Variants in KDM2B observed in about 807,000 individuals in gnomAD.
The protein encoded by KDM2B is lysine demethylase 2B, also known as lysine-specific demethylase 2B.
A neutral mutation model predicts 150.0 loss-of-function variants in KDM2B; 26 were observed. The observed-to-expected ratio is 0.17, with a 90% CI of 0.13 to 0.24. KDM2B has a LOEUF of 0.24. KDM2B is among the 10% of genes least tolerant of loss of function. The pLI, the probability that KDM2B is intolerant of heterozygous loss-of-function variation, is 1.00. For synonymous variants in KDM2B, 734 were observed against 729.5 expected, an observed-to-expected ratio of 1.01 and a Z score of -0.10; for missense variants, 1,265 against 1,816.9, an observed-to-expected ratio of 0.70 and a Z score of 5.52.
intron 6 of KDM2B, among the ~76,000 whole-genome samples, chr12:121,548,058 T>C (rs1566404082): frequency 6.6e-6 from 1 of 152,160 alleles, no homozygotes; most frequent in Non-Finnish European, 1.5e-5. Context: ...CTACAGCCCA[T>C]GTTAAATAAT....
chr12:121,486,508 C>T (rs1468635354), intron 12 of KDM2B, among the ~76,000 whole-genome samples: 2 of 151,576 alleles, frequency 1.3e-5, no homozygotes, highest in East Asian at 1.9e-4. Context: ...AATCACAGAC[C>T]GGGTGCAGTG....
rs1317831676 is a variant in KDM2B at position 121,536,821 on chromosome 12, G to C, written c.684-2231C>G. ...TGGAAGCCCGCGGGTACCCACAGCA[G>C]AGAGGAGAGGACAGGAGCTCGCCTC... is the stretch of plus-strand genomic sequence containing the variant. On this transcript the variant is annotated intron_variant, in intron 6 of 22. Coordinates refer to ENST00000377071, the MANE Select transcript of KDM2B (RefSeq NM_032590.5). Among the ~76,000 whole-genome samples, 13 of 152,348 alleles carry C rather than the reference G, an allele frequency of 8.5e-5. 1 individual carries two copies. Among genetic ancestry groups the C allele is most frequent in the Admixed American group, 6.5e-4 (10 of 15,306 alleles).
intron 21 of KDM2B, chr12:121,440,524 A>T (rs562730676): frequency 1.9e-4 from 80 of 425,244 alleles, no homozygotes; most frequent in African/African-American, 1.5e-3. Flanking sequence ...ATGCACGCAG[A>T]GCCCCATGAG....
intron 4 of KDM2B, among the ~76,000 whole-genome samples, chr12:121,566,791 G>A (rs1226969850): frequency 2.0e-5 from 3 of 152,120 alleles, no homozygotes; most frequent in Non-Finnish European, 4.4e-5. Context: ...GCAAGACTCT[G>A]TCCTGAAACA....
chr12:121,514,266 C>T (rs1168874370), intron 9 of KDM2B, among the ~76,000 whole-genome samples: 2 of 152,080 alleles, frequency 1.3e-5, no homozygotes, highest in African/African-American at 2.4e-5. Context: ...GGCGCGCGCA[C>T]CACCACGCCT....
At chr12:121,432,029 G>T (rs1189238614) in intron 22 of KDM2B, among the ~76,000 whole-genome samples, 1 of 151,324 alleles carries the variant, frequency 6.6e-6, no homozygotes, top group African/African-American at 2.4e-5. Flanking sequence ...TACAGGTGCC[G>T]GCCACCACGC....
intron 12 of KDM2B, among the ~76,000 whole-genome samples, chr12:121,472,736 T>C (rs77743447): frequency 0.036 from 5,442 of 152,276 alleles, 325 homozygotes; most frequent in African/African-American, 0.13. Context: ...ATGCCTTTGC[T>C]GACCTTAGAA....
intron 10 of KDM2B, among the ~76,000 whole-genome samples, chr12:121,512,392 A>G (rs1232822132): frequency 6.6e-6 from 1 of 152,040 alleles, no homozygotes; most frequent in Non-Finnish European, 1.5e-5. Flanking sequence ...GATGGGGCAT[A>G]AGGGAAGGGA....
chr12:121,506,434 C>A (rs1352556050), intron 11 of KDM2B, among the ~76,000 whole-genome samples: 5 of 152,164 alleles, frequency 3.3e-5, no homozygotes, highest in Non-Finnish European at 7.3e-5. Flanking sequence ...TTTAGAGACA[C>A]TAGCAGCGGT....
Position 121,537,868 on chromosome 12 carries a change from C to T in KDM2B, c.684-3278G>A, listed in dbSNP as rs1289902813. Reference sequence around the variant, plus strand: ...GGCCACCCACACCCGCCCCGCGCAGCGCCACAAAGGAGGGGGCGCCCGGGC... The same window carrying T: ...GGCCACCCACACCCGCCCCGCGCAGTGCCACAAAGGAGGGGGCGCCCGGGC... On this transcript the variant is annotated intron_variant, in intron 6 of 22. Coordinates refer to ENST00000377071, the MANE Select transcript of KDM2B (RefSeq NM_032590.5). This position sits in a 1 kb window ranked among gnomAD's most constrained non-coding sequence, Gnocchi z 8.7. Among the ~76,000 whole-genome samples the T allele has an allele frequency of 6.6e-6, 1 of 151,614 alleles. No individual in the cohort carries two copies. Among genetic ancestry groups the T allele is most frequent in the Non-Finnish European group, 1.5e-5 (1 of 67,854 alleles).
chr12:121,455,662 C>T (rs1269484885), intron 12 of KDM2B, among the ~76,000 whole-genome samples: 1 of 152,122 alleles, frequency 6.6e-6, no homozygotes, highest in South Asian at 2.1e-4. Context: ...CTGTGATCAT[C>T]CACTGTACTC....
the KDM2B span, chr12:121,423,646 T>C: frequency 7.7e-7 from 1 of 1,299,116 alleles, no homozygotes; most frequent in Non-Finnish European, 1.1e-6. The surrounding 1 kb of genome is among the most constrained non-coding windows in gnomAD (Gnocchi z 4.3). Context: ...CAGAAGGGAC[T>C]GGAAAGTTAT....
intron 7 of KDM2B, among the ~76,000 whole-genome samples, chr12:121,534,264 G>GCATGAACCCAGGAGGCAGAGCTTGC (rs1415309711): frequency 2.6e-5 from 4 of 151,540 alleles, no homozygotes; most frequent in African/African-American, 9.7e-5. Flanking sequence ...CAGGAGAATG[G>GCATGAACCCAGGAGGCAGAGCTTGC]CATGAACCCA....
intron 12 of KDM2B, among the ~76,000 whole-genome samples, chr12:121,482,984 GA>G (rs1194028122): frequency 9.9e-5 from 15 of 151,944 alleles, no homozygotes; most frequent in Admixed American, 9.8e-4. Context: ...TGGCCATGGT[GA>G]AATCCTGCCT....
the KDM2B span, chr12:121,418,002 A>G: frequency 7.5e-7 from 1 of 1,330,400 alleles, no homozygotes; most frequent in Non-Finnish European, 1.0e-6. Flanking sequence ...GACTTCTGAT[A>G]AACTTCAAGT....
intron 8 of KDM2B, among the ~76,000 whole-genome samples, chr12:121,525,024 C>A (rs1482696397): frequency 3.3e-5 from 5 of 152,200 alleles, no homozygotes; most frequent in Non-Finnish European, 5.9e-5. Flanking sequence ...CAGGAATAAA[C>A]CTAGAGGTCT....
At chr12:121,445,992 AG>A (rs1211731129) in intron 13 of KDM2B, among the ~76,000 whole-genome samples, 5 of 152,238 alleles carry the variant, frequency 3.3e-5, no homozygotes, top group African/African-American at 1.2e-4. Context: ...CCTTTTGCAC[AG>A]TATTGATATT....
chr12:121,533,107 G>C lies in KDM2B; in HGVS notation c.778-148C>G. The C allele has an allele frequency of 1.3e-6, 1 of 753,456 alleles. No homozygotes were observed. Among genetic ancestry groups the C allele is most frequent in the Non-Finnish European group, 2.1e-6 (1 of 468,848 alleles). The allele number at this position is 753,456 out of a possible 1,614,324, so 46.7% of individuals were successfully genotyped here. ...GGAGAGATGGCAGATCCATCCCTCTGGACTCTCTGCAAGGCCAGGTCCCTA... is the reference window on the plus strand; with the variant it reads ...GGAGAGATGGCAGATCCATCCCTCTCGACTCTCTGCAAGGCCAGGTCCCTA... On this transcript the variant is annotated intron_variant, in intron 7 of 22. Coordinates refer to ENST00000377071, the MANE Select transcript of KDM2B (RefSeq NM_032590.5). The surrounding 1 kb of genome is among the most constrained non-coding windows in gnomAD (Gnocchi z 4.1).
At chr12:121,472,747 A>G (rs1880899518) in intron 12 of KDM2B, among the ~76,000 whole-genome samples, 1 of 152,186 alleles carries the variant, frequency 6.6e-6, no homozygotes, top group Non-Finnish European at 1.5e-5. Context: ...GACCTTAGAA[A>G]GTTACTTCCC....
Sources: allele counts gnomAD v4.1 joint callset (sites outside exome capture counted in the v4.1 genomes callset), GRCh38; gene constraint gnomAD v4.1.1; non-coding constraint Gnocchi (gnomAD v3.1); transcripts MANE v1.5; gene names NCBI Gene and HGNC (gene_info 2026-07-23, HGNC 2026-07-21).